Variants in MYO7B observed in about 807,000 individuals in gnomAD.
MYO7B encodes the protein unconventional myosin-VIIb.
Under a neutral mutation model 259.7 loss-of-function variants are expected in MYO7B, and 212 were observed. The ratio of observed to expected loss-of-function variants is 0.82; its 90% CI spans 0.73 to 0.91. The LOEUF is 0.91. Ranked by LOEUF, MYO7B falls within the 40% of genes least tolerant of loss-of-function variation. MYO7B has a pLI of 0.00. For synonymous variants in MYO7B, 1,197 were observed against 1,166.4 expected (o/e 1.03, Z -0.54); for missense variants, 2,732 against 2,813.5 (o/e 0.97, Z 0.66).
In MYO7B at chr2:127,636,887, A is replaced by G. The variant is rs1335729286; in HGVS notation, c.6301A>G (p.Ser2101Gly). 6.2e-7 allele frequency: 1 copy of G among 1,612,966 alleles called. No homozygotes were observed. The highest frequency in any genetic ancestry group is 8.5e-7 in the Non-Finnish European group (1 of 1,179,764). ...GGCGCTGGGGAGCCTGGGCCGTGGC[A>G]GCCGCCTGCTGTGCGAGACCTCCCT... ...HMALGSLGRG[S>G]RLLCETSLGY... The change falls in exon 47 of 48, where the codon AGC becomes GGC. Residue 2101 changes from serine to glycine, a missense_variant. Transcript: ENST00000409816. The surrounding 1 kb of genome is among the most constrained non-coding windows in gnomAD (Gnocchi z 4.5).
At chr2:127,616,264 G>A (rs533219761) in intron 26 of MYO7B, among the ~76,000 whole-genome samples, 9 of 152,260 alleles carry the variant, frequency 5.9e-5, no homozygotes, top group South Asian at 2.1e-4. Context: ...ATGAGAGATC[G>A]TATCCATAAG....
At position 127,616,985 on chromosome 2, in the gene MYO7B, A is replaced by G. The variant is rs1364122300; in HGVS notation, c.3399-3355A>G. On this transcript the variant is annotated intron_variant, in intron 26 of 47. Coordinates refer to ENST00000409816, the MANE Select transcript of MYO7B (RefSeq NM_001393586.1). ...GGCGGTGTTCTTTTTTGAAATGTCCAATTTTCCTACATTTATAACATTTTC... is the reference window on the plus strand; with the variant it reads ...GGCGGTGTTCTTTTTTGAAATGTCCGATTTTCCTACATTTATAACATTTTC... Among the ~76,000 whole-genome samples, 5 of 152,200 alleles carry G rather than the reference A, an allele frequency of 3.3e-5. No individual in the cohort carries two copies. The East Asian group carries it at 7.7e-4, about 23-fold the overall frequency.
chr2:127,600,278 G>A (rs1176614215), intron 19 of MYO7B, among the ~76,000 whole-genome samples: 1 of 152,196 alleles, frequency 6.6e-6, no homozygotes, highest in African/African-American at 2.4e-5. Context: ...ATGTATGCAT[G>A]TCAATTTGTT....
intron 29 of MYO7B, 129 bp downstream of exon 29, chr2:127,623,504 G>T (rs1181489194): frequency 2.0e-6 from 2 of 1,003,516 alleles, no homozygotes; most frequent in Non-Finnish European, 2.8e-6. Flanking sequence ...GCACAGCACT[G>T]CTTACCCTCC....
At chr2:127,599,055 A>G (rs1380018822) in intron 19 of MYO7B, among the ~76,000 whole-genome samples, 1 of 152,122 alleles carries the variant, frequency 6.6e-6, no homozygotes, top group Non-Finnish European at 1.5e-5. Context: ...GTTCCTTTGC[A>G]TTTCCATGTA....
chr2:127,635,509 C>G (rs1382499843), intron 43 of MYO7B: 2 of 651,610 alleles, frequency 3.1e-6, no homozygotes, highest in African/African-American at 3.7e-5. Flanking sequence ...GGGCCAACCA[C>G]ATGGGTGGAG....
Position 127,622,009 on chromosome 2 carries a change from C to T in MYO7B, c.3553C>T (p.Pro1185Ser), listed in dbSNP as rs1680859333. 6.4e-7 allele frequency: 1 copy of T among 1,551,676 alleles called. No homozygotes were observed. Among genetic ancestry groups the T allele is most frequent in the Non-Finnish European group, 8.7e-7 (1 of 1,147,018 alleles). ...TCTACTGAACTTCATCGGCCAAGGG[C>T]CGGCGACCTACGGCCCCTTCTGTGC... is the stretch of plus-strand genomic sequence containing the variant. Reference protein sequence around the residue: ...KYLLNFIGQGPATYGPFCAER... With the variant: ...KYLLNFIGQGSATYGPFCAER... The change falls in exon 28 of 48, where the codon CCG becomes TCG. Residue 1185 changes from proline to serine, a missense_variant. Transcript: ENST00000409816.
chr2:127,631,259 G>A lies in MYO7B; in HGVS notation c.4991G>A (p.Arg1664His), dbSNP rs768736049. The A allele has an allele frequency of 6.0e-5, 97 of 1,611,034 alleles. No individual in the cohort carries two copies. Among genetic ancestry groups the A allele is most frequent in the Non-Finnish European group, 7.1e-5 (84 of 1,178,730 alleles). ...GCCGTGCTGCCCCTGGCCCGTGCCC[G>A]TGGCCACCTGTGGGCCTATTCCTGC... ...SMAVLPLARA[R>H]GHLWAYSCEP... Residue 1664 changes from arginine (R) to histidine (H), a missense_variant, in exon 37 of 48, where the codon CGT becomes CAT. Transcript: ENST00000409816.
chr2:127,587,597 C>T (rs1679353741), intron 14 of MYO7B, among the ~76,000 whole-genome samples: 2 of 131,538 alleles, frequency 1.5e-5, no homozygotes, highest in African/African-American at 5.8e-5. Flanking sequence ...GAGACAGAGT[C>T]TCACTGTGTC....
chr2:127,549,413 C>G (rs766387883), intron 1 of MYO7B, among the ~76,000 whole-genome samples: 12 of 152,088 alleles, frequency 7.9e-5, no homozygotes, highest in Non-Finnish European at 1.8e-4. Context: ...GATCCCGTCA[C>G]CCAGGTAGTG....
chr2:127,590,037 C>T lies in MYO7B; in HGVS notation c.1855-55C>T, dbSNP rs866518249. 2.6e-6 allele frequency: 4 copies of T among 1,542,192 alleles called. No individual in the cohort carries two copies. Among genetic ancestry groups the T allele is most frequent in the African/African-American group, 2.7e-5 (2 of 72,938 alleles). ...AACCCTTGCTGGCCTACAGGGTCAGCTGTCCCAGGACATGGCTCCTGAGAC... is the reference window on the plus strand; with the variant it reads ...AACCCTTGCTGGCCTACAGGGTCAGTTGTCCCAGGACATGGCTCCTGAGAC... On this transcript the variant is annotated intron_variant, in intron 15 of 47. Coordinates refer to ENST00000409816, the MANE Select transcript of MYO7B (RefSeq NM_001393586.1). The surrounding 1 kb of genome is among the most constrained non-coding windows in gnomAD (Gnocchi z 4.6).
At position 127,576,529 on chromosome 2, in the gene MYO7B, C is replaced by T; in HGVS notation, c.736-66C>T. 1.9e-6 allele frequency: 2 copies of T among 1,033,504 alleles called. No individual in the cohort carries two copies. Among genetic ancestry groups the T allele is most frequent in the South Asian group, 1.6e-5 (1 of 63,772 alleles). The allele number at this position is 1,033,504 out of a possible 1,614,324, so 64.0% of individuals were successfully genotyped here. ...CAGGGCTGGGCTGGGCAGAGGCAGT[C>T]TGAGGCCCTGAGGCCTCAGGGGAAT... On this transcript the variant is annotated intron_variant, in intron 7 of 47. Transcript: ENST00000409816. The surrounding 1 kb of genome is among the most constrained non-coding windows in gnomAD (Gnocchi z 4.9).
chr2:127,590,905 G>A lies in MYO7B; in HGVS notation c.1992+676G>A, dbSNP rs142498698. 0.011 allele frequency among the ~76,000 whole-genome samples: 1,668 copies of A among 152,356 alleles called. 33 individuals carry two copies. Among genetic ancestry groups the A allele is most frequent in the African/African-American group, 0.038 (1,565 of 41,580 alleles). ...GGAAAGAATAAAACTATGTGAAATC[G>A]AGTTTGATCTGGGTGCAGTAGCTCA... On this transcript the variant is annotated intron_variant, in intron 16 of 47. Coordinates refer to ENST00000409816, the MANE Select transcript of MYO7B (RefSeq NM_001393586.1). The surrounding 1 kb of genome is among the most constrained non-coding windows in gnomAD (Gnocchi z 4.6).
rs1346807262 is a variant in MYO7B, at chr2:127,614,854, A to G, written c.3398+2251A>G. The stretch of plus-strand genomic sequence containing the variant: ...GTTCTGCCACCTTTTAGTAAATCCT[A>G]CAAGAATGTGTCTCTTTAGAACGTC... On this transcript the variant is annotated intron_variant, in intron 26 of 47. Transcript: ENST00000409816. The surrounding 1 kb of genome is among the most constrained non-coding windows in gnomAD (Gnocchi z 4.6). Among the ~76,000 whole-genome samples, 2 of 152,200 alleles carry G rather than the reference A, an allele frequency of 1.3e-5. No homozygotes were observed. The highest frequency in any genetic ancestry group is 4.8e-5 in the African/African-American group (2 of 41,452).
chr2:127,631,159 C>T (rs374460808), intron 36 of MYO7B, 47 bp from the exon 37 acceptor site: 12 of 1,531,618 alleles, frequency 7.8e-6, no homozygotes, highest in African/African-American at 2.7e-5. Context: ...AAGCGTGGGA[C>T]AGAGAAGGCC....
intron 20 of MYO7B, among the ~76,000 whole-genome samples, chr2:127,606,714 T>C (rs1680166432): frequency 6.6e-6 from 1 of 152,232 alleles, no homozygotes; most frequent in South Asian, 2.1e-4. Context: ...GGGACTGCTG[T>C]GGCCCAGGGG....
intron 6 of MYO7B, among the ~76,000 whole-genome samples, chr2:127,571,467 T>G (rs1222132950): frequency 7.0e-6 from 1 of 143,238 alleles, no homozygotes; most frequent in Non-Finnish European, 1.5e-5. Flanking sequence ...TTTGCTTGTT[T>G]GTTTTTTGTT....
intron 26 of MYO7B, among the ~76,000 whole-genome samples, chr2:127,618,260 G>T (rs530053449): frequency 1.3e-5 from 2 of 152,280 alleles, no homozygotes; most frequent in South Asian, 4.1e-4. Flanking sequence ...CGGAACGAAG[G>T]GGGATGAACG....
chr2:127,602,211 C>A (rs1290859523), intron 19 of MYO7B, among the ~76,000 whole-genome samples: 2 of 152,194 alleles, frequency 1.3e-5, no homozygotes, highest in Non-Finnish European at 2.9e-5. Context: ...TATACACATA[C>A]ACACAGAGAG....
Sources: gnomAD v4.1 joint callset for allele counts (sites outside exome capture counted in the v4.1 genomes callset) on GRCh38, gnomAD v4.1.1 for gene constraint, Gnocchi (gnomAD v3.1) non-coding constraint, MANE v1.5 for transcripts, NCBI Gene and HGNC (gene_info 2026-07-23, HGNC 2026-07-21) for gene names.